IFT57: variants seen among roughly 807,000 people sequenced by gnomAD.
The protein encoded by IFT57 is intraflagellar transport protein 57 homolog.
A neutral mutation model predicts 56.8 loss-of-function variants in IFT57; 59 were observed. The observed-to-expected ratio is 1.04, with a 90% CI of 0.84 to 1.29. The LOEUF (loss-of-function observed/expected upper bound fraction) is 1.29. Among genes scored for constraint, IFT57 ranks in the 50% most tolerant of loss-of-function variants. The probability of loss-of-function intolerance (pLI) is 0.00; values close to 1 mark genes in which losing one functional copy is unlikely to be tolerated. For synonymous variants in IFT57, 209 were observed against 186.1 expected (o/e 1.12, Z -1.00); for missense variants, 470 against 522.1 (o/e 0.90, Z 0.97).
Position 108,167,250 on chromosome 3 carries a change from A to G in IFT57, c.850-265T>C, listed in dbSNP as rs192122406. 1.2e-4 allele frequency: 41 copies of G among 340,634 alleles called. No homozygotes were observed. The East Asian group carries it at 2.2e-3, about 18-fold the overall frequency. 21.1% of individuals were successfully genotyped at this position (340,634 alleles called of 1,614,324 possible). ...ATACCATAAAATTTATGTGACTATA[A>G]TTAGCATTATATAACATTCACAATC... On this transcript the variant is annotated intron_variant, in intron 7 of 10. Transcript: ENST00000264538.
intron 5 of IFT57, among the ~76,000 whole-genome samples, chr3:108,203,636 G>A (rs748104658): frequency 1.3e-5 from 2 of 152,168 alleles, no homozygotes; most frequent in African/African-American, 4.8e-5. Flanking sequence ...ATTCAGGCAT[G>A]TATTCATACA....
At chr3:108,181,286 C>G (rs1482619123) in intron 6 of IFT57, among the ~76,000 whole-genome samples, 4 of 151,946 alleles carry the variant, frequency 2.6e-5, no homozygotes, top group Admixed American at 2.6e-4. Context: ...TTTTCTCCAC[C>G]CCTTTACTGT....
rs536803859 is a variant in IFT57, at chr3:108,189,325, G to A, written c.777+2196C>T. On this transcript the variant is annotated intron_variant, in intron 6 of 10. Coordinates refer to ENST00000264538, the MANE Select transcript of IFT57 (RefSeq NM_018010.4). ...GTGTAGTAAGACCTCTGTTGCTCTC[G>A]CCCTATCCCGGGACTGCTCTAGGAA... 9.2e-5 allele frequency among the ~76,000 whole-genome samples: 14 copies of A among 152,260 alleles called. No individual in the cohort carries two copies. In the South Asian group the frequency reaches 2.1e-3, roughly 23 times the overall value.
At chr3:108,174,047 TA>T in intron 6 of IFT57, among the ~76,000 whole-genome samples, 1 of 147,868 alleles carries the variant, frequency 6.8e-6, no homozygotes, top group Non-Finnish European at 1.5e-5. Flanking sequence ...TGTGTGTGTT[TA>T]AGACAGGGAT....
chr3:108,178,491 A>G (rs1216403191), intron 6 of IFT57, among the ~76,000 whole-genome samples: 1 of 151,998 alleles, frequency 6.6e-6, no homozygotes, highest in Non-Finnish European at 1.5e-5. Flanking sequence ...AAGGACAGCT[A>G]GAGTAGATAT....
Position 108,222,223 on chromosome 3 carries a change from G to A in IFT57, c.100C>T (p.Pro34Ser). Residue 34 changes from proline to serine, a missense_variant, in exon 1 of 11, where the codon CCC becomes TCC. Coordinates refer to ENST00000264538, the MANE Select transcript of IFT57 (RefSeq NM_018010.4). ...GTGEVVLERGPGAAYHMFVVM... is the reference protein window; with the variant it reads ...GTGEVVLERGSGAAYHMFVVM... ...ACGAACATGTGGTAGGCCGCGCCGG[G>A]CCCCCGCTCCAAGACCACTTCCCCG... 3 of 1,614,078 alleles carry A rather than the reference G, an allele frequency of 1.9e-6. No homozygotes were observed. The highest frequency in any genetic ancestry group is 2.5e-6 in the Non-Finnish European group (3 of 1,180,006).
In IFT57 at chr3:108,218,653, C is replaced by T; in HGVS notation, c.376G>A (p.Gly126Arg). 3 of 1,448,784 alleles carry T rather than the reference C, an allele frequency of 2.1e-6. No homozygotes were observed. Among genetic ancestry groups the T allele is most frequent in the South Asian group, 1.3e-5 (1 of 74,290 alleles). The allele number at this position is 1,448,784 out of a possible 1,614,324, so 89.7% of individuals were successfully genotyped here. ...GAAGGAGGAAAATCTGCAGTTCTTC[C>T]CTGAAAAACAAAAGAAAAAACAGGG... Reference protein sequence around the residue: ...SNILSELRSFGRTADFPPSKL... With the variant: ...SNILSELRSFRRTADFPPSKL... The change falls in exon 3 of 11, where the codon GGA becomes AGA. Residue 126 changes from glycine (G) to arginine (R), a missense_variant and splice_region_variant. Physicochemically the swap from Gly to Arg is moderately radical, Grantham distance 125. Transcript: ENST00000264538.
chr3:108,212,655 CTA>C (rs1352969533), intron 4 of IFT57, among the ~76,000 whole-genome samples: 9 of 152,118 alleles, frequency 5.9e-5, no homozygotes, highest in Non-Finnish European at 2.9e-5. Context: ...ATACAAATGG[CTA>C]TATAATACTC....
At chr3:108,188,584 T>C (rs1350610276) in intron 6 of IFT57, among the ~76,000 whole-genome samples, 2 of 152,200 alleles carry the variant, frequency 1.3e-5, no homozygotes, top group African/African-American at 4.8e-5. Flanking sequence ...TCTGATATTT[T>C]GGAATGCTGG....
intron 1 of IFT57, among the ~76,000 whole-genome samples, chr3:108,220,028 G>A (rs2080396832): frequency 6.6e-6 from 1 of 152,218 alleles, no homozygotes; most frequent in African/African-American, 2.4e-5. Flanking sequence ...TATGTTGGCT[G>A]CATATTCAAT....
rs1475467427 is a variant in IFT57, at chr3:108,188,467, AT to A, written c.777+3053del. Among the ~76,000 whole-genome samples the A allele has an allele frequency of 6.6e-5, 10 of 152,328 alleles. 1 individual carries two copies. In the South Asian group the frequency reaches 2.1e-3, roughly 32 times the overall value. ...CAAAGATCAAACTATCTAAAGAAGA[AT>A]TCTAAAAAAGCAATCGAATATGACT... On this transcript the variant is annotated intron_variant, in intron 6 of 10. Coordinates refer to ENST00000264538, the MANE Select transcript of IFT57 (RefSeq NM_018010.4).
intron 9 of IFT57, among the ~76,000 whole-genome samples, chr3:108,164,135 TTTC>T (rs1361987078): frequency 6.6e-6 from 1 of 152,108 alleles, no homozygotes; most frequent in African/African-American, 2.4e-5. Context: ...TCTGGGTATC[TTTC>T]TTAATATTAT....
At chr3:108,201,421 C>T (rs2108321707) in intron 5 of IFT57, among the ~76,000 whole-genome samples, 1 of 152,346 alleles carries the variant, frequency 6.6e-6, no homozygotes, top group African/African-American at 2.4e-5. Flanking sequence ...CTCTAGCCCA[C>T]ATTTCCTATT....
At chr3:108,171,729 T>A (rs151290646) in intron 6 of IFT57, among the ~76,000 whole-genome samples, 1 of 151,918 alleles carries the variant, frequency 6.6e-6, no homozygotes, top group South Asian at 2.1e-4. Flanking sequence ...TGGAAACCTA[T>A]TGGAGCCCAA....
At chr3:108,210,330 A>ATTTTTTTTTT (rs1560125468) in intron 4 of IFT57, among the ~76,000 whole-genome samples, 3 of 105,532 alleles carry the variant, frequency 2.8e-5, no homozygotes, top group African/African-American at 9.2e-5. Context: ...GTCAGAAATA[A>ATTTTTTTTTT]TCTTTTTTTT....
At chr3:108,172,708 T>C (rs1028552012) in intron 6 of IFT57, among the ~76,000 whole-genome samples, 2 of 151,850 alleles carry the variant, frequency 1.3e-5, no homozygotes, top group African/African-American at 2.4e-5. Context: ...ATGGGGTGAC[T>C]GAAGTGAAGG....
intron 6 of IFT57, among the ~76,000 whole-genome samples, chr3:108,172,118 AACT>A (rs1429173728): frequency 6.6e-6 from 1 of 151,916 alleles, no homozygotes; most frequent in African/African-American, 2.4e-5. Flanking sequence ...ATTTAGGTAT[AACT>A]ACGATAGTGT....
At chr3:108,191,919 G>T (rs534371277) in intron 5 of IFT57, among the ~76,000 whole-genome samples, 1 of 152,206 alleles carries the variant, frequency 6.6e-6, no homozygotes, top group East Asian at 1.9e-4. Context: ...GAACTCAATA[G>T]GAATACCATC....
intron 5 of IFT57, among the ~76,000 whole-genome samples, chr3:108,197,617 C>T (rs1044813325): frequency 3.9e-5 from 6 of 152,168 alleles, no homozygotes; most frequent in Non-Finnish European, 8.8e-5. Flanking sequence ...CATGGATATA[C>T]TAGTGTCCAG....
Sources: allele counts gnomAD v4.1 joint callset (sites outside exome capture counted in the v4.1 genomes callset), GRCh38; gene constraint gnomAD v4.1.1; transcripts MANE v1.5; gene names NCBI Gene and HGNC (gene_info 2026-07-23, HGNC 2026-07-21).